MOB3B: variants seen among roughly 807,000 people sequenced by gnomAD.
MOB3B encodes the protein MOB kinase activator-like 2B.
In MOB3B, 7 loss-of-function variants were observed where a neutral mutation model predicts 18.7. The observed-to-expected ratio is 0.37, with a 90% CI of 0.21 to 0.70. The LOEUF (loss-of-function observed/expected upper bound fraction) is 0.70. MOB3B is among the 30% of genes least tolerant of loss of function. The pLI is 0.52. For missense variants in MOB3B, 253 were observed against 281.3 expected, an observed-to-expected ratio of 0.90 and a Z score of 0.72; for synonymous variants, 111 against 99.9, an observed-to-expected ratio of 1.11 and a Z score of -0.66.
intron 1 of MOB3B, among the ~76,000 whole-genome samples, chr9:27,471,739 A>G (rs1356943208): frequency 6.6e-6 from 1 of 152,224 alleles, no homozygotes; most frequent in South Asian, 2.1e-4. Flanking sequence ...AATTCTTATC[A>G]CTAACATCAT....
intron 2 of MOB3B, among the ~76,000 whole-genome samples, chr9:27,429,578 G>T (rs1192532879): frequency 6.6e-6 from 1 of 152,160 alleles, no homozygotes; most frequent in African/African-American, 2.4e-5. Flanking sequence ...ATGGCTCATT[G>T]TCTTACTGTG....
intron 1 of MOB3B, among the ~76,000 whole-genome samples, chr9:27,499,586 C>T (rs144457767): frequency 2.6e-5 from 4 of 152,254 alleles, no homozygotes; most frequent in African/African-American, 9.6e-5. Flanking sequence ...AATTAATGAA[C>T]AGGTCCCATT....
At chr9:27,450,223 T>C (rs1352028992) in intron 2 of MOB3B, among the ~76,000 whole-genome samples, 1 of 152,190 alleles carries the variant, frequency 6.6e-6, no homozygotes, top group Non-Finnish European at 1.5e-5. Context: ...TTTAGAAATA[T>C]GTACAGAATC....
intron 3 of MOB3B, among the ~76,000 whole-genome samples, chr9:27,354,691 T>C (rs1821159398): frequency 6.6e-6 from 1 of 152,176 alleles, no homozygotes; most frequent in Non-Finnish European, 1.5e-5. Flanking sequence ...ATATTAAGCA[T>C]TTATTAGGTA....
chr9:27,424,193 A>G (rs1822295174), intron 2 of MOB3B, among the ~76,000 whole-genome samples: 1 of 152,234 alleles, frequency 6.6e-6, no homozygotes, highest in Admixed American at 6.5e-5. Flanking sequence ...AAGTAAGAGA[A>G]GAAAAATGGA....
At chr9:27,462,952 A>T (rs1202474385) in intron 1 of MOB3B, among the ~76,000 whole-genome samples, 6 of 152,248 alleles carry the variant, frequency 3.9e-5, no homozygotes. Context: ...AGGTAAAATT[A>T]ACACCAAGAG....
At chr9:27,349,102 A>G (rs1367174997) in intron 3 of MOB3B, among the ~76,000 whole-genome samples, 2 of 152,224 alleles carry the variant, frequency 1.3e-5, no homozygotes, top group African/African-American at 4.8e-5. Flanking sequence ...GTCCATTTAC[A>G]CTTAGATGCA....
intron 1 of MOB3B, among the ~76,000 whole-genome samples, chr9:27,475,518 AT>A (rs957362685): frequency 6.6e-6 from 1 of 152,254 alleles, no homozygotes; most frequent in African/African-American, 2.4e-5. Context: ...AACTAGTATA[AT>A]CAAGAATGGC....
At chr9:27,479,857 G>T (rs1183782151) in intron 1 of MOB3B, among the ~76,000 whole-genome samples, 1 of 152,062 alleles carries the variant, frequency 6.6e-6, no homozygotes, top group Non-Finnish European at 1.5e-5. Context: ...GGAGTTTAAG[G>T]CCAGCCTGGG....
At chr9:27,480,046 G>C (rs1252562659) in intron 1 of MOB3B, among the ~76,000 whole-genome samples, 1 of 131,180 alleles carries the variant, frequency 7.6e-6, no homozygotes, top group Non-Finnish European at 1.6e-5. Flanking sequence ...AACAGAGCAA[G>C]ATACTGTCTC....
chr9:27,394,508 A>G (rs75412275), intron 2 of MOB3B, among the ~76,000 whole-genome samples: 11,466 of 152,306 alleles, frequency 0.075, 513 homozygotes, highest in South Asian at 0.12. Context: ...CAAATGAGCT[A>G]TAAAGACTGA....
At chr9:27,498,633 T>C (rs556255029) in intron 1 of MOB3B, among the ~76,000 whole-genome samples, 153 of 152,222 alleles carry the variant, frequency 1.0e-3, no homozygotes, top group Admixed American at 4.1e-3. Flanking sequence ...TTATTCTCAA[T>C]GTCAGAATGT....
chr9:27,379,530 A>C (rs1821543163), intron 2 of MOB3B, among the ~76,000 whole-genome samples: 2 of 152,154 alleles, frequency 1.3e-5, no homozygotes, highest in Non-Finnish European at 2.9e-5. Context: ...CGACAGAGGA[A>C]GATGAAGTTT....
At chr9:27,414,061 A>T (rs912516260) in intron 2 of MOB3B, among the ~76,000 whole-genome samples, 3 of 152,252 alleles carry the variant, frequency 2.0e-5, no homozygotes, top group Non-Finnish European at 2.9e-5. Context: ...GAACATCTCC[A>T]TATCATGCCT....
chr9:27,521,916 A>G (rs1036766082), intron 1 of MOB3B, among the ~76,000 whole-genome samples: 1 of 152,090 alleles, frequency 6.6e-6, no homozygotes, highest in African/African-American at 2.4e-5. Context: ...TTTTTAATGT[A>G]TCTTCTTTTA....
intron 2 of MOB3B, among the ~76,000 whole-genome samples, chr9:27,444,273 AGGGAGGGAG>A: frequency 8.7e-6 from 1 of 114,476 alleles, no homozygotes; most frequent in East Asian, 3.0e-4. Flanking sequence ...GGAAGGAGGG[AGGGAGGGAG>A]GGAGGGAAGG....
intron 2 of MOB3B, among the ~76,000 whole-genome samples, chr9:27,382,856 C>G (rs988114689): frequency 2.0e-5 from 3 of 152,134 alleles, no homozygotes; most frequent in African/African-American, 7.2e-5. Flanking sequence ...TAAATCCCCA[C>G]TTCAAAGCCC....
chr9:27,432,919 T>C (rs1383234578), intron 2 of MOB3B, among the ~76,000 whole-genome samples: 1 of 152,156 alleles, frequency 6.6e-6, no homozygotes, highest in Non-Finnish European at 1.5e-5. Context: ...AGCACAAAAA[T>C]ATTCCCCAAT....
At chr9:27,409,708 G>A (rs1554647870) in intron 2 of MOB3B, among the ~76,000 whole-genome samples, 1 of 151,988 alleles carries the variant, frequency 6.6e-6, no homozygotes, top group Non-Finnish European at 1.5e-5. Flanking sequence ...TAGATAAATG[G>A]ATAAACAAAA....
Sources: gnomAD v4.1 joint callset for allele counts (sites outside exome capture counted in the v4.1 genomes callset) on GRCh38, gnomAD v4.1.1 for gene constraint, MANE v1.5 for transcripts, NCBI Gene and HGNC (gene_info 2026-07-23, HGNC 2026-07-21) for gene names.